Variants in JUP observed in about 807,000 individuals in gnomAD.
The protein encoded by JUP is catenin (cadherin-associated protein), gamma 80kDa.
In JUP, 28 loss-of-function variants were observed where a neutral mutation model predicts 71.1. That is an observed-to-expected ratio of 0.39 (90% CI 0.29 to 0.54). JUP has a LOEUF of 0.54. JUP is among the 20% of genes least tolerant of loss of function. JUP has a pLI of 0.62. For missense variants in JUP, 869 were observed against 1,030.1 expected (o/e 0.84, Z 2.14); for synonymous variants, 401 against 438.9 (o/e 0.91, Z 1.08).
rs1555599840 is a variant in JUP, at chr17:41,758,834, G to A, written c.1534C>T (p.Pro512Ser). The change falls in exon 9 of 14, where the codon CCA becomes TCA. Residue 512 changes from proline to serine, a missense_variant. Coordinates refer to ENST00000393931, the MANE Select transcript of JUP (RefSeq NM_002230.4). ...IGLIRNLALC[P>S]ANHAPLQEAA... is the part of the protein sequence containing the mutation. ...TCCTGCAGCGGGGCATGGTTGGCTG[G>A]GCACAGGGCCAGATTCCTGATCAAG... is the stretch of plus-strand genomic sequence containing the variant. 1.9e-6 allele frequency: 3 copies of A among 1,610,326 alleles called. No individual in the cohort carries two copies. The highest frequency in any genetic ancestry group is 3.3e-4 in the Middle Eastern group (2 of 6,046).
In JUP at chr17:41,758,679, C is replaced by G. The variant is rs561004703; in HGVS notation, c.1653+36G>C. 15 of 1,595,330 alleles carry G rather than the reference C, an allele frequency of 9.4e-6. No individual in the cohort carries two copies. The South Asian group carries it at 1.5e-4, about 16-fold the overall frequency. ...ACCCACAGAGGACACCCTGACCCCC[C>G]AGGAAGGCTGTCAGAGGCACCACCA... On this transcript the variant is annotated intron_variant, in intron 9 of 13. Transcript: ENST00000393931.
rs905849676 is a variant in JUP at position 41,782,609 on chromosome 17, A to G, written c.-9+3979T>C. On this transcript the variant is annotated intron_variant, in intron 1 of 13. Coordinates refer to ENST00000393931, the MANE Select transcript of JUP (RefSeq NM_002230.4). ...CCCTCTCAACCTCCCCCCAACACTC[A>G]CCACAGCCCTGGCCTTGGGGAGAAG... 3.3e-5 allele frequency among the ~76,000 whole-genome samples: 5 copies of G among 151,738 alleles called. No homozygotes were observed. The East Asian group carries it at 9.8e-4, about 30-fold the overall frequency.
At chr17:41,771,586 A>C in intron 2 of JUP, 61 bp downstream of exon 2, 1 of 1,490,276 alleles carries the variant, frequency 6.7e-7, no homozygotes, top group Non-Finnish European at 9.3e-7. Context: ...TTTCACTCTG[A>C]CCTCTCTCCA....
chr17:41,768,630 G>A (rs181203976), intron 4 of JUP, among the ~76,000 whole-genome samples: 5 of 152,178 alleles, frequency 3.3e-5, no homozygotes, highest in Admixed American at 1.3e-4. Context: ...GTTTGCAAGG[G>A]ACTTTGCATT....
chr17:41,769,286 C>T, intron 3 of JUP, 79 bp from the exon 4 acceptor site: 1 of 1,554,954 alleles, frequency 6.4e-7, no homozygotes, highest in Non-Finnish European at 8.8e-7. Flanking sequence ...GAGGAGGGCC[C>T]CAGTCAGACT....
At chr17:41,756,659 G>T (rs907107078) in intron 12 of JUP, among the ~76,000 whole-genome samples, 1 of 151,976 alleles carries the variant, frequency 6.6e-6, no homozygotes, top group Admixed American at 6.6e-5. Context: ...AGCACTTTGG[G>T]AGGCCAAGGC....
At position 41,757,774 on chromosome 17, in the gene JUP, G is replaced by A. The variant is rs782130740; in HGVS notation, c.1784C>T (p.Ser595Leu). Residue 595 changes from serine (S) to leucine (L), a missense_variant, in exon 11 of 14, where the codon TCG (serine) becomes TTG (leucine). By Grantham distance (145) the Ser-to-Leu change is moderately radical (BLOSUM62 -2). Transcript: ENST00000393931. ...TIPLFVQLLY[S>L]SVENIQRVAA... is the part of the protein sequence containing the mutation. ...CACGCGCTGGATGTTCTCCACCGAC[G>A]AGTACAGGAGCTGGGGAGAGGGGAC... 13 of 1,609,824 alleles carry A rather than the reference G, an allele frequency of 8.1e-6. No homozygotes were observed. Among genetic ancestry groups the A allele is most frequent in the East Asian group, 6.7e-5 (3 of 44,852 alleles).
At chr17:41,777,365 C>T (rs1555609050) in intron 1 of JUP, among the ~76,000 whole-genome samples, 1 of 152,210 alleles carries the variant, frequency 6.6e-6, no homozygotes, top group African/African-American at 2.4e-5. Context: ...CCCACTCTGT[C>T]CCTGGCTCCT....
At chr17:41,761,753 CAA>C (rs1180310607) in intron 8 of JUP, among the ~76,000 whole-genome samples, 13 of 76,724 alleles carry the variant, frequency 1.7e-4, no homozygotes, top group Non-Finnish European at 2.4e-4. Context: ...AACTCCGTCT[CAA>C]AAAAAAAAAA....
chr17:41,785,149 A>G (rs2047387998), intron 1 of JUP: 1 of 152,102 alleles, frequency 6.6e-6, no homozygotes, highest in Non-Finnish European at 1.5e-5. Flanking sequence ...GGCCTCCAGA[A>G]AGCATGCACC....
intron 1 of JUP, among the ~76,000 whole-genome samples, chr17:41,779,143 G>A (rs1437314758): frequency 1.3e-5 from 2 of 151,380 alleles, no homozygotes; most frequent in African/African-American, 2.4e-5. Flanking sequence ...GGCTGAGGCA[G>A]GAGAATCGCT....
intron 2 of JUP, 187 bp downstream of exon 2, chr17:41,771,460 C>T (rs1335377854): frequency 8.0e-6 from 5 of 623,418 alleles, no homozygotes; most frequent in Middle Eastern, 4.3e-4. Context: ...TTCTGTGACC[C>T]TCCCAGATGC....
chr17:41,763,262 G>T lies in JUP; in HGVS notation c.1218C>A (p.Asn406Lys). 1.2e-6 allele frequency: 2 copies of T among 1,614,176 alleles called. No homozygotes were observed. The highest frequency in any genetic ancestry group is 1.7e-6 in the Non-Finnish European group (2 of 1,180,026). ...GTGTGCCCGTGGCACAGGTGAGGACGTTGACGTCATCCACACTCAGCTGAT... is the reference window on the plus strand; with the variant it reads ...GTGTGCCCGTGGCACAGGTGAGGACTTTGACGTCATCCACACTCAGCTGAT... ...LVNQLSVDDV[N>K]VLTCATGTLS... is the part of the protein sequence containing the mutation. Residue 406 changes from asparagine (N) to lysine (K), a missense_variant, in exon 8 of 14, where the codon AAC (asparagine) becomes AAA (lysine). Physicochemically the swap from Asn to Lys is moderately conservative, Grantham distance 94. Transcript: ENST00000393931.
At chr17:41,761,058 C>T (rs1914727639) in intron 8 of JUP, among the ~76,000 whole-genome samples, 1 of 152,146 alleles carries the variant, frequency 6.6e-6, no homozygotes, top group Admixed American at 6.6e-5. Context: ...AACTCTGTCC[C>T]TTGGGTCTGC....
Position 41,764,999 on chromosome 17 carries a change from C to A in JUP, c.978G>T (p.Lys326Asn). 1 of 1,614,114 alleles carries A rather than the reference C, an allele frequency of 6.2e-7. No individual in the cohort carries two copies. The highest frequency in any genetic ancestry group is 8.5e-7 in the Non-Finnish European group (1 of 1,180,024). Residue 326 changes from lysine (K) to asparagine (N), a missense_variant, in exon 6 of 14, where the codon AAG becomes AAT. Transcript: ENST00000393931. Reference sequence around the variant, plus strand: ...GCACACGACTGGTGGTCCAGAGCAGCTTTTCATAACTGTAGTTACGCATGA... The same window carrying A: ...GCACACGACTGGTGGTCCAGAGCAGATTTTCATAACTGTAGTTACGCATGA... Reference protein sequence around the residue: ...VQIMRNYSYEKLLWTTSRVLK... With the variant: ...VQIMRNYSYENLLWTTSRVLK...
chr17:41,772,388 A>G (rs1916814582), intron 1 of JUP: 1 of 237,092 alleles, frequency 4.2e-6, no homozygotes, highest in South Asian at 6.1e-5. Flanking sequence ...GGAGCGCCCC[A>G]GGCTCCCTCA....
intron 7 of JUP, among the ~76,000 whole-genome samples, 175 bp downstream of exon 7, chr17:41,764,534 GAAAA>G (rs1555603054): frequency 3.6e-5 from 3 of 83,908 alleles, no homozygotes; most frequent in African/African-American, 1.2e-4. Context: ...GACTCCGTCA[GAAAA>G]AAAAAAAAAA....
chr17:41,782,010 T>C (rs1223273097), intron 1 of JUP, among the ~76,000 whole-genome samples: 1 of 152,160 alleles, frequency 6.6e-6, no homozygotes, highest in African/African-American at 2.4e-5. Flanking sequence ...TTCTCCACGA[T>C]CAATAATCCC....
intron 9 of JUP, 93 bp from the exon 10 acceptor site, chr17:41,758,611 G>C: frequency 6.4e-7 from 1 of 1,573,548 alleles, no homozygotes; most frequent in Non-Finnish European, 8.6e-7. Flanking sequence ...ACAGGTTCTT[G>C]GAATTGGCAT....
Sources: allele counts gnomAD v4.1 joint callset (sites outside exome capture counted in the v4.1 genomes callset), GRCh38; gene constraint gnomAD v4.1.1; transcripts MANE v1.5; gene names NCBI Gene and HGNC (gene_info 2026-07-23, HGNC 2026-07-21).